The following RYR2 variants were observed in gnomAD, a reference collection of about 807,000 sequenced individuals.
RYR2 encodes the protein ryanodine receptor 2, also known as cardiac muscle ryanodine receptor-calcium release channel.
A neutral mutation model predicts 601.1 loss-of-function variants in RYR2; 227 were observed. The observed-to-expected ratio is 0.38, with a 90% CI of 0.34 to 0.42. RYR2 has a LOEUF of 0.42. Ranked by LOEUF, RYR2 falls within the 10% of genes least tolerant of loss-of-function variation. RYR2 has a pLI of 1.00. For missense variants in RYR2, 4,646 were observed against 6,156.5 expected, an observed-to-expected ratio of 0.75 and a Z score of 8.21; for synonymous variants, 2,223 against 2,175.1, an observed-to-expected ratio of 1.02 and a Z score of -0.61.
chr1:237,431,239 A>T (rs577450054), intron 12 of RYR2, among the ~76,000 whole-genome samples: 17 of 152,282 alleles, frequency 1.1e-4, no homozygotes, highest in South Asian at 2.1e-4. Context: ...TAGATAATAA[A>T]TTTTTTCCCA....
At chr1:237,758,517 A>G (rs1437266282) in intron 82 of RYR2, among the ~76,000 whole-genome samples, 1 of 152,206 alleles carries the variant, frequency 6.6e-6, no homozygotes, top group Non-Finnish European at 1.5e-5. Context: ...TGTGTATCAT[A>G]CCTACACTAC....
At chr1:237,674,622 G>T in intron 59 of RYR2, 109 bp from the exon 60 acceptor site, 1 of 512,242 alleles carries the variant, frequency 2.0e-6, no homozygotes, top group Non-Finnish European at 3.5e-6. Context: ...TATATATATA[G>T]ATAAACATAT....
intron 10 of RYR2, among the ~76,000 whole-genome samples, chr1:237,395,554 T>G (rs1438257825): frequency 1.6e-5 from 1 of 61,866 alleles, no homozygotes; most frequent in Non-Finnish European, 3.3e-5. Context: ...TTTTTTTTTT[T>G]TTTTTTTTTT....
chr1:237,150,084 G>A (rs916209012), intron 1 of RYR2, among the ~76,000 whole-genome samples: 2 of 152,242 alleles, frequency 1.3e-5, no homozygotes, highest in Non-Finnish European at 2.9e-5. Context: ...TCTGTGCATT[G>A]TCACTTGCAA....
At chr1:237,449,362 T>C (rs904355204) in intron 14 of RYR2, among the ~76,000 whole-genome samples, 4 of 152,180 alleles carry the variant, frequency 2.6e-5, no homozygotes, top group Non-Finnish European at 5.9e-5. Flanking sequence ...CTACCTTTAA[T>C]TGATATTTTG....
intron 17 of RYR2, among the ~76,000 whole-genome samples, chr1:237,481,465 A>T (rs1378966129): frequency 6.6e-6 from 1 of 152,186 alleles, no homozygotes; most frequent in Non-Finnish European, 1.5e-5. Flanking sequence ...TGTTGTAATT[A>T]TGCTATATAT....
At chr1:237,570,804 AAC>A (rs1247705197) in intron 29 of RYR2, among the ~76,000 whole-genome samples, 2 of 152,178 alleles carry the variant, frequency 1.3e-5, no homozygotes. Context: ...AGAGCATATA[AAC>A]AAGACAGTAT....
chr1:237,828,033 G>A (rs888025938), intron 101 of RYR2, among the ~76,000 whole-genome samples: 21 of 148,502 alleles, frequency 1.4e-4, no homozygotes, highest in African/African-American at 5.2e-4. Context: ...TGAAAAATCT[G>A]ATTAGTGGAG....
intron 23 of RYR2, among the ~76,000 whole-genome samples, chr1:237,508,953 A>G (rs1027147127): frequency 4.0e-5 from 6 of 151,624 alleles, no homozygotes; most frequent in African/African-American, 4.8e-5. Context: ...CGTGTTAGCC[A>G]GGATGGTTTC....
intron 1 of RYR2, among the ~76,000 whole-genome samples, chr1:237,090,742 A>T (rs1339175459): frequency 6.6e-6 from 1 of 152,220 alleles, no homozygotes; most frequent in Non-Finnish European, 1.5e-5. Flanking sequence ...CCTTCAGGTG[A>T]AGTGTAGTCT....
chr1:237,099,368 G>T (rs1267163974), intron 1 of RYR2, among the ~76,000 whole-genome samples: 1 of 152,034 alleles, frequency 6.6e-6, no homozygotes, highest in Non-Finnish European at 1.5e-5. Context: ...CTCCCAAGTA[G>T]CTGGGACCAT....
intron 25 of RYR2, among the ~76,000 whole-genome samples, chr1:237,530,974 T>A (rs1417087111): frequency 6.6e-6 from 1 of 152,130 alleles, no homozygotes; most frequent in African/African-American, 2.4e-5. Flanking sequence ...TTACATTAAG[T>A]ATCTGGTGAA....
At chr1:237,237,883 C>T (rs986689050) in intron 1 of RYR2, among the ~76,000 whole-genome samples, 7 of 150,860 alleles carry the variant, frequency 4.6e-5, no homozygotes, top group Admixed American at 1.3e-4. Flanking sequence ...TTCCCCTCTC[C>T]TCCTCTCCCC....
intron 63 of RYR2, among the ~76,000 whole-genome samples, chr1:237,690,135 C>T (rs1460725250): frequency 6.6e-6 from 1 of 152,116 alleles, no homozygotes; most frequent in Non-Finnish European, 1.5e-5. Context: ...CCGTGCCTGG[C>T]CAAATCTTTT....
At chr1:237,700,716 T>C (rs901069714) in intron 65 of RYR2, among the ~76,000 whole-genome samples, 3 of 152,184 alleles carry the variant, frequency 2.0e-5, no homozygotes. Flanking sequence ...GACTTCCACA[T>C]TGTTGAAGTT....
At chr1:237,631,758 G>C (rs1559141569) in intron 42 of RYR2, among the ~76,000 whole-genome samples, 1 of 151,196 alleles carries the variant, frequency 6.6e-6, no homozygotes, top group African/African-American at 2.4e-5. Context: ...CTCCCGAGGA[G>C]CTGGGATTAG....
In RYR2 at chr1:237,687,363, C is replaced by CTT. The variant is rs200738727; in HGVS notation, c.9018-91_9018-90dup. On this transcript the variant is annotated intron_variant, in intron 62 of 104. Transcript: ENST00000366574. ...CAGCTGTTTTTTTTTCTTTTTTCTT[C>CTT]TTCTTTTTTTTTTTTTTTTTTAATT... The CTT allele has an allele frequency of 2.7e-4, 123 of 452,726 alleles. 3 individuals carry two copies. The highest frequency in any genetic ancestry group is 8.5e-4 in the South Asian group (29 of 34,130). The allele number at this position is 452,726 out of a possible 1,614,324, so 28.0% of individuals were successfully genotyped here. A position where few individuals can be genotyped will look rare whatever the true frequency, so the allele number is the denominator to read the frequency against.
chr1:237,766,290 C>G (rs193099089), intron 84 of RYR2, among the ~76,000 whole-genome samples: 1 of 152,110 alleles, frequency 6.6e-6, no homozygotes, highest in Admixed American at 6.6e-5. Flanking sequence ...GAGTTCCTAA[C>G]GTTTATTGTT....
At chr1:237,601,362 T>G (rs540101313) in intron 34 of RYR2, among the ~76,000 whole-genome samples, 1 of 152,218 alleles carries the variant, frequency 6.6e-6, no homozygotes, top group South Asian at 2.1e-4. Context: ...TGCCCACTCA[T>G]ATGTAGAATC....
Sources: allele counts gnomAD v4.1 joint callset (sites outside exome capture counted in the v4.1 genomes callset), GRCh38; gene constraint gnomAD v4.1.1; transcripts MANE v1.5; gene names NCBI Gene and HGNC (gene_info 2026-07-23, HGNC 2026-07-21).